The following DCC variants were observed in gnomAD, a reference collection of about 807,000 sequenced individuals.
DCC encodes netrin receptor DCC.
A neutral mutation model predicts 172.5 loss-of-function variants in DCC; 58 were observed. That is an observed-to-expected ratio of 0.34 (90% CI 0.27 to 0.42). The LOEUF (loss-of-function observed/expected upper bound fraction) is 0.42, where lower values mean the gene tolerates loss of function less well. Ranked by LOEUF, DCC falls within the 10% of genes least tolerant of loss-of-function variation. The pLI is 1.00. For synonymous variants in DCC, 709 were observed against 644.5 expected (o/e 1.10, Z -1.52); for missense variants, 1,740 against 1,791.0 (o/e 0.97, Z 0.51).
At chr18:52,783,324 T>TC (rs2037588506) in intron 2 of DCC, among the ~76,000 whole-genome samples, 2 of 10,592 alleles carry the variant, frequency 1.9e-4, no homozygotes, top group African/African-American at 4.7e-4. Context: ...ACTACTACTC[T>TC]TTTTTTTTTT....
intron 14 of DCC, among the ~76,000 whole-genome samples, chr18:53,334,264 C>A (rs1234836882): frequency 6.6e-6 from 1 of 152,172 alleles, no homozygotes; most frequent in Non-Finnish European, 1.5e-5. Context: ...TTCACACCTC[C>A]ATTCCTGCCA....
chr18:53,045,364 T>G (rs2042223381), intron 5 of DCC, among the ~76,000 whole-genome samples: 1 of 151,846 alleles, frequency 6.6e-6, no homozygotes, highest in Non-Finnish European at 1.5e-5. Flanking sequence ...TTGGCCCTTG[T>G]AGTTCATGGA....
chr18:52,929,814 GCAAA>G (rs1406639313), intron 5 of DCC, among the ~76,000 whole-genome samples: 4 of 99,896 alleles, frequency 4.0e-5, no homozygotes, highest in Non-Finnish European at 7.9e-5. Context: ...CCTGGACTTT[GCAAA>G]CACACACACA....
intron 1 of DCC, among the ~76,000 whole-genome samples, chr18:52,488,081 T>A (rs1384117923): frequency 2.0e-5 from 3 of 152,036 alleles, no homozygotes; most frequent in African/African-American, 7.2e-5. Flanking sequence ...TCTGCATAGG[T>A]TTGGGAAGAA....
chr18:53,135,121 G>A (rs948761459), intron 7 of DCC, among the ~76,000 whole-genome samples: 3 of 152,086 alleles, frequency 2.0e-5, no homozygotes, highest in African/African-American at 7.2e-5. Flanking sequence ...CTCACTATTT[G>A]CCAGACACCC....
chr18:52,936,838 C>A (rs758242601), intron 5 of DCC, among the ~76,000 whole-genome samples: 4 of 152,124 alleles, frequency 2.6e-5, no homozygotes, highest in African/African-American at 9.7e-5. Context: ...ACAAAGTCAG[C>A]AAGAGTTAGG....
At chr18:53,493,751 T>C (rs2045986385) in intron 26 of DCC, among the ~76,000 whole-genome samples, 1 of 152,148 alleles carries the variant, frequency 6.6e-6, no homozygotes, top group African/African-American at 2.4e-5. Flanking sequence ...GTTTTTCCTG[T>C]CTCTATCTCC....
Position 53,459,421 on chromosome 18 carries a change from A to G in DCC, c.3582A>G (p.Ser1194=). The change falls in exon 24 of 29, where the codon TCA becomes TCG. Residue 1194 remains serine (S), a synonymous_variant. Transcript: ENST00000442544. ...QDLTPVSHSQ[S]ETQLGSKSTS... ...TCACACCAGTCAGCCACAGCCAGTC[A>G]GAAACCCAACTGGGAAGCAAAAGCA... is the stretch of plus-strand genomic sequence containing the variant. 1 of 1,613,958 alleles carries G rather than the reference A, an allele frequency of 6.2e-7. No homozygotes were observed. Among genetic ancestry groups the G allele is most frequent in the Non-Finnish European group, 8.5e-7 (1 of 1,179,856 alleles).
At chr18:53,186,086 C>T (rs1043771394) in intron 9 of DCC, among the ~76,000 whole-genome samples, 2 of 152,168 alleles carry the variant, frequency 1.3e-5, no homozygotes, top group African/African-American at 4.8e-5. Flanking sequence ...CTTCTGCTGG[C>T]TCTCTTATTT....
intron 1 of DCC, among the ~76,000 whole-genome samples, chr18:52,708,975 T>C (rs955306856): frequency 2.0e-5 from 3 of 152,150 alleles, no homozygotes; most frequent in African/African-American, 7.2e-5. Context: ...TGTTAGGAAG[T>C]CAAGTACAGA....
intron 5 of DCC, among the ~76,000 whole-genome samples, chr18:52,938,058 T>G (rs1004106981): frequency 6.6e-6 from 1 of 152,138 alleles, no homozygotes; most frequent in Non-Finnish European, 1.5e-5. Context: ...ATAATCATTG[T>G]TTTTTAATAC....
At chr18:53,487,495 T>C (rs2045915337) in intron 26 of DCC, among the ~76,000 whole-genome samples, 1 of 150,870 alleles carries the variant, frequency 6.6e-6, no homozygotes, top group Admixed American at 6.6e-5. Context: ...AGCTATTATA[T>C]ACACCCTGGT....
intron 18 of DCC, among the ~76,000 whole-genome samples, chr18:53,400,366 A>G (rs776340574): frequency 3.9e-5 from 6 of 152,184 alleles, no homozygotes; most frequent in African/African-American, 1.4e-4. Context: ...AGTTGAGCAC[A>G]GTGTTCATGG....
chr18:53,047,306 ATAATTT>A (rs2042260174), intron 5 of DCC, among the ~76,000 whole-genome samples: 1 of 24,744 alleles, frequency 4.0e-5, no homozygotes, highest in Non-Finnish European at 9.1e-5. Context: ...ATATATATAT[ATAATTT>A]TATATATATA....
At chr18:53,370,579 T>C (rs2058050787) in intron 15 of DCC, among the ~76,000 whole-genome samples, 2 of 151,906 alleles carry the variant, frequency 1.3e-5, no homozygotes. Flanking sequence ...ACACTGTCTT[T>C]TTATTTTCAC....
intron 1 of DCC, among the ~76,000 whole-genome samples, chr18:52,707,370 T>C (rs1672326231): frequency 6.6e-6 from 1 of 152,176 alleles, no homozygotes; most frequent in African/African-American, 2.4e-5. Flanking sequence ...GCAAAACATA[T>C]GTCATTTTGT....
chr18:53,242,405 T>A (rs2056308851), intron 12 of DCC, among the ~76,000 whole-genome samples: 1 of 152,148 alleles, frequency 6.6e-6, no homozygotes, highest in Non-Finnish European at 1.5e-5. Flanking sequence ...CCTAACACAT[T>A]ATCTGAAACA....
intron 3 of DCC, among the ~76,000 whole-genome samples, chr18:52,919,142 A>C (rs1030036844): frequency 3.9e-5 from 6 of 152,108 alleles, no homozygotes; most frequent in African/African-American, 1.4e-4. Context: ...ATTTGGCTAG[A>C]CTTACATGGT....
chr18:52,782,454 A>G lies in DCC; in HGVS notation c.412+30080A>G, dbSNP rs570384868. ...TTTCCCCCATCCTCTCATCTCCTAC[A>G]TTTTATATATTGGACCTACCCTAAG... On this transcript the variant is annotated intron_variant, in intron 2 of 28. Coordinates refer to ENST00000442544, the MANE Select transcript of DCC (RefSeq NM_005215.4). 2.4e-4 allele frequency among the ~76,000 whole-genome samples: 36 copies of G among 152,174 alleles called. No individual in the cohort carries two copies. The South Asian group carries it at 6.0e-3, about 25-fold the overall frequency.
Sources: allele counts gnomAD v4.1 joint callset (sites outside exome capture counted in the v4.1 genomes callset), GRCh38; gene constraint gnomAD v4.1.1; transcripts MANE v1.5; gene names NCBI Gene and HGNC (gene_info 2026-07-23, HGNC 2026-07-21).